Variants in KLF12 observed in about 807,000 individuals in gnomAD.
The protein encoded by KLF12 is Krueppel-like factor 12.
KLF12 carries 9 observed loss-of-function variants against 37.8 expected under a neutral mutation model. That is an observed-to-expected ratio of 0.24 (90% CI 0.14 to 0.42). The LOEUF is 0.42. Among genes scored for constraint, KLF12 ranks in the 10% least tolerant of loss-of-function variants. The probability of loss-of-function intolerance (pLI) is 1.00; values close to 1 mark genes in which losing one functional copy is unlikely to be tolerated. For missense variants in KLF12, 411 were observed against 516.0 expected (o/e 0.80, Z 1.97); for synonymous variants, 208 against 202.1 (o/e 1.03, Z -0.25).
the KLF12 span, among the ~76,000 whole-genome samples, chr13:74,230,666 C>T: frequency 1.3e-5 from 2 of 152,154 alleles, no homozygotes; most frequent in East Asian, 1.9e-4. Flanking sequence ...CTCACGTACT[C>T]GGGATGAATT....
intron 3 of KLF12, among the ~76,000 whole-genome samples, chr13:73,923,095 ACAT>A (rs1364750195): frequency 6.6e-6 from 1 of 152,208 alleles, no homozygotes; most frequent in African/African-American, 2.4e-5. Context: ...GGCACTTATA[ACAT>A]CAATATTTTA....
At chr13:74,189,996 A>G in the KLF12 span, among the ~76,000 whole-genome samples, 3 of 152,164 alleles carry the variant, frequency 2.0e-5, no homozygotes, top group Non-Finnish European at 2.9e-5. Flanking sequence ...CTACTACAAT[A>G]TTGAGTAATA....
intron 5 of KLF12, among the ~76,000 whole-genome samples, chr13:73,771,613 T>C (rs1359657201): frequency 6.6e-6 from 1 of 152,360 alleles, no homozygotes; most frequent in Non-Finnish European, 1.5e-5. Context: ...ATTAATTCAA[T>C]CCAACAAACT....
intron 5 of KLF12, among the ~76,000 whole-genome samples, chr13:73,778,462 C>T (rs1212247352): frequency 2.0e-5 from 3 of 152,158 alleles, no homozygotes; most frequent in Non-Finnish European, 2.9e-5. Flanking sequence ...TAGGCTCAAG[C>T]GATCCCTCTG....
intron 6 of KLF12, among the ~76,000 whole-genome samples, chr13:73,755,842 A>G (rs919338713): frequency 1.3e-5 from 2 of 152,060 alleles, no homozygotes; most frequent in East Asian, 3.9e-4. Context: ...ATGAGTGAGA[A>G]CATACGATGT....
intron 1 of KLF12, among the ~76,000 whole-genome samples, chr13:73,999,612 C>T (rs965962665): frequency 3.3e-5 from 5 of 150,672 alleles, no homozygotes; most frequent in Non-Finnish European, 5.9e-5. Flanking sequence ...TGGTGGCGGG[C>T]GCCTGTAGTC....
At chr13:73,949,966 T>C (rs1890583960) in intron 2 of KLF12, among the ~76,000 whole-genome samples, 1 of 152,186 alleles carries the variant, frequency 6.6e-6, no homozygotes, top group South Asian at 2.1e-4. Context: ...TATGTTTCAA[T>C]GATCCAAATT....
intron 3 of KLF12, among the ~76,000 whole-genome samples, chr13:73,889,091 A>G (rs1033647648): frequency 1.3e-5 from 2 of 152,176 alleles, no homozygotes; most frequent in African/African-American, 2.4e-5. Context: ...TTCTTCTGTT[A>G]TAATTTCTGG....
the KLF12 span, among the ~76,000 whole-genome samples, chr13:74,275,358 T>A: frequency 6.6e-6 from 1 of 152,228 alleles, no homozygotes. Context: ...AAATAAGTCA[T>A]GTGACCTGAC....
intron 2 of KLF12, among the ~76,000 whole-genome samples, chr13:73,945,519 A>T (rs928809978): frequency 2.0e-5 from 3 of 152,178 alleles, no homozygotes; most frequent in African/African-American, 7.2e-5. Flanking sequence ...CATAAATTAC[A>T]TGTTCTTATT....
At chr13:74,094,169 A>G (rs1875842390) in intron 1 of KLF12, among the ~76,000 whole-genome samples, 1 of 152,202 alleles carries the variant, frequency 6.6e-6, no homozygotes, top group Non-Finnish European at 1.5e-5. Flanking sequence ...ATGCACAAAT[A>G]TATACAGACA....
rs145903557 is a variant in KLF12, at chr13:74,125,082, T to A, written c.-32+8657A>T. On this transcript the variant is annotated intron_variant, in intron 1 of 7. Transcript: ENST00000377669. ...ATTGCTTGAACCCAAGAGGCAGAGG[T>A]TGCAGTGAGCTGAGATGGTGTCACT... Among the ~76,000 whole-genome samples the A allele has an allele frequency of 3.6e-3, 535 of 150,526 alleles. 5 individuals are homozygous for A. The highest frequency in any genetic ancestry group is 0.013 in the African/African-American group (518 of 41,030).
At chr13:73,699,319 G>C (rs1041289017) in intron 7 of KLF12, among the ~76,000 whole-genome samples, 1 of 151,910 alleles carries the variant, frequency 6.6e-6, no homozygotes, top group Non-Finnish European at 1.5e-5. Flanking sequence ...CAAGACTTCT[G>C]GTCTACAGAT....
chr13:74,287,382 GA>G, the KLF12 span, among the ~76,000 whole-genome samples: 11 of 151,898 alleles, frequency 7.2e-5, no homozygotes, highest in African/African-American at 2.4e-4. Context: ...GAGAGAGAGA[GA>G]GAGAGAGAGA....
the KLF12 span, among the ~76,000 whole-genome samples, chr13:74,180,631 A>T: frequency 4.2e-3 from 645 of 152,356 alleles, 5 homozygotes; most frequent in African/African-American, 0.014. Flanking sequence ...ATAGAGGCAA[A>T]TCTTTAAGAA....
At chr13:73,727,341 C>A (rs1876738152) in intron 6 of KLF12, among the ~76,000 whole-genome samples, 1 of 152,128 alleles carries the variant, frequency 6.6e-6, no homozygotes, top group Non-Finnish European at 1.5e-5. Context: ...CATTTAGATA[C>A]ATGATCAATT....
At chr13:74,180,112 G>A in the KLF12 span, among the ~76,000 whole-genome samples, 1 of 152,096 alleles carries the variant, frequency 6.6e-6, no homozygotes, top group Non-Finnish European at 1.5e-5. Context: ...TGATTAATTG[G>A]GCTGTGGAGC....
At chr13:74,171,724 C>T in the KLF12 span, among the ~76,000 whole-genome samples, 1 of 152,130 alleles carries the variant, frequency 6.6e-6, no homozygotes, top group South Asian at 2.1e-4. Context: ...ACTTCAGAAA[C>T]ATTTGTAGGA....
intron 1 of KLF12, among the ~76,000 whole-genome samples, chr13:74,061,184 CACA>C (rs1412012339): frequency 2.0e-5 from 3 of 152,278 alleles, no homozygotes; most frequent in Non-Finnish European, 2.9e-5. Flanking sequence ...CTCAAAACAT[CACA>C]ACAATCCTTT....
Sources: allele counts gnomAD v4.1 joint callset (sites outside exome capture counted in the v4.1 genomes callset), GRCh38; gene constraint gnomAD v4.1.1; transcripts MANE v1.5; gene names NCBI Gene and HGNC (gene_info 2026-07-23, HGNC 2026-07-21).